Variants in FSIP1 observed in about 807,000 individuals in gnomAD.
FSIP1 encodes fibrous sheath-interacting protein 1.
Under a neutral mutation model 60.9 loss-of-function variants are expected in FSIP1, and 65 were observed. That is an observed-to-expected ratio of 1.07 (90% confidence interval 0.87 to 1.31). The LOEUF (loss-of-function observed/expected upper bound fraction) is 1.31, where lower values mean the gene tolerates loss of function less well. Among genes scored for constraint, FSIP1 ranks in the 40% most tolerant of loss-of-function variants. The pLI, the probability that FSIP1 is intolerant of heterozygous loss-of-function variation, is 0.00. For synonymous variants in FSIP1, 209 were observed against 221.2 expected, an observed-to-expected ratio of 0.94 and a Z score of 0.49; for missense variants, 675 against 665.5, an observed-to-expected ratio of 1.01 and a Z score of -0.16.
intron 11 of FSIP1, among the ~76,000 whole-genome samples, chr15:39,612,317 G>A (rs1388113751): frequency 6.6e-6 from 1 of 152,086 alleles, no homozygotes; most frequent in Non-Finnish European, 1.5e-5. Context: ...GATCACAGTG[G>A]CATGAAACTA....
At chr15:39,762,940 G>A (rs1346441413) in intron 5 of FSIP1, among the ~76,000 whole-genome samples, 6 of 152,022 alleles carry the variant, frequency 3.9e-5, no homozygotes, top group Non-Finnish European at 7.4e-5. Context: ...CAAATTAGTG[G>A]GGGAAAGGTT....
At chr15:39,659,120 G>A (rs1232659732) in intron 10 of FSIP1, among the ~76,000 whole-genome samples, 1 of 152,086 alleles carries the variant, frequency 6.6e-6, no homozygotes, top group Non-Finnish European at 1.5e-5. Context: ...ATCCATAGAG[G>A]CAGAAAAAAA....
chr15:39,600,954 AT>A, intron 11 of FSIP1, 28 bp from the exon 12 acceptor site: 1 of 1,572,550 alleles, frequency 6.4e-7, no homozygotes, highest in Non-Finnish European at 8.6e-7. Context: ...AACCACAGTT[AT>A]TAGAGATTCA....
chr15:39,698,912 G>A (rs1442200982), intron 10 of FSIP1, among the ~76,000 whole-genome samples: 2 of 152,182 alleles, frequency 1.3e-5, no homozygotes, highest in African/African-American at 4.8e-5. Context: ...AACCAAGGTT[G>A]GTTTATTTTC....
chr15:39,633,388 T>C (rs1193222245), intron 10 of FSIP1, among the ~76,000 whole-genome samples: 1 of 152,148 alleles, frequency 6.6e-6, no homozygotes, highest in Non-Finnish European at 1.5e-5. Context: ...GCACTCGGCC[T>C]GGCTATACTT....
At chr15:39,639,751 C>G (rs1892284337) in intron 10 of FSIP1, among the ~76,000 whole-genome samples, 1 of 152,156 alleles carries the variant, frequency 6.6e-6, no homozygotes, top group South Asian at 2.1e-4. Context: ...GTAGCACACT[C>G]TGGATACCCA....
chr15:39,758,721 T>C (rs919506892), intron 5 of FSIP1, among the ~76,000 whole-genome samples: 1 of 152,070 alleles, frequency 6.6e-6, no homozygotes, highest in Non-Finnish European at 1.5e-5. Flanking sequence ...AATGTAGTCA[T>C]TGCTAAACTC....
chr15:39,633,535 A>G (rs1037750911), intron 10 of FSIP1, among the ~76,000 whole-genome samples: 1 of 152,208 alleles, frequency 6.6e-6, no homozygotes, highest in African/African-American at 2.4e-5. Flanking sequence ...TTGCATTTAT[A>G]AATTACCATG....
intron 10 of FSIP1, among the ~76,000 whole-genome samples, chr15:39,668,037 A>T (rs2140463484): frequency 6.6e-6 from 1 of 152,296 alleles, no homozygotes; most frequent in East Asian, 1.9e-4. Flanking sequence ...ATAAACCTAC[A>T]GCAGACAGGA....
intron 1 of FSIP1, among the ~76,000 whole-genome samples, chr15:39,780,251 CG>C (rs1455696977): frequency 2.0e-5 from 3 of 152,182 alleles, no homozygotes; most frequent in Admixed American, 6.5e-5. Flanking sequence ...TGGCCAGGCG[CG>C]GTGGCTCACG....
intron 10 of FSIP1, among the ~76,000 whole-genome samples, chr15:39,634,893 C>A (rs1008072032): frequency 2.0e-5 from 3 of 152,158 alleles, no homozygotes; most frequent in Non-Finnish European, 4.4e-5. Context: ...ATTGGACTAA[C>A]ATGGTGCCCT....
chr15:39,715,630 C>T (rs1566898224), intron 9 of FSIP1, among the ~76,000 whole-genome samples: 1 of 152,186 alleles, frequency 6.6e-6, no homozygotes, highest in Non-Finnish European at 1.5e-5. Flanking sequence ...CTTCTGGTAG[C>T]TTTCAATCTC....
chr15:39,768,278 A>T (rs551728007), intron 3 of FSIP1, among the ~76,000 whole-genome samples: 1 of 152,338 alleles, frequency 6.6e-6, no homozygotes, highest in South Asian at 2.1e-4. Flanking sequence ...GTGAGAGTTG[A>T]TCTCATCCCA....
chr15:39,721,797 G>A (rs941792796), intron 9 of FSIP1, among the ~76,000 whole-genome samples: 3 of 152,098 alleles, frequency 2.0e-5, no homozygotes. Flanking sequence ...CAAGAAGTTA[G>A]GTCTAATGCT....
chr15:39,640,727 CAAAAAAA>C (rs111962610), intron 10 of FSIP1, among the ~76,000 whole-genome samples: 2 of 100,000 alleles, frequency 2.0e-5, no homozygotes, highest in Non-Finnish European at 4.9e-5. Context: ...GATTTACAGA[CAAAAAAA>C]AAAAAAAAAT....
At chr15:39,698,374 T>C (rs1029786383) in intron 10 of FSIP1, among the ~76,000 whole-genome samples, 1 of 152,150 alleles carries the variant, frequency 6.6e-6, no homozygotes, top group African/African-American at 2.4e-5. Flanking sequence ...TGGTCTGGAA[T>C]GCTAGTTCAT....
chr15:39,749,722 C>T lies in FSIP1; in HGVS notation c.560-7822G>A, dbSNP rs554740357. Among the ~76,000 whole-genome samples the T allele has an allele frequency of 8.6e-5, 13 of 151,948 alleles. No homozygotes were observed. In the East Asian group the frequency reaches 1.4e-3, roughly 16 times the overall value. ...TAACATCATAACCAAGGGGGAAAAACGGAAAGCTTTTCCTCTGAGATCTAG... is the reference window on the plus strand; with the variant it reads ...TAACATCATAACCAAGGGGGAAAAATGGAAAGCTTTTCCTCTGAGATCTAG... On this transcript the variant is annotated intron_variant, in intron 5 of 11. Coordinates refer to ENST00000350221, the MANE Select transcript of FSIP1 (RefSeq NM_152597.5).
intron 10 of FSIP1, among the ~76,000 whole-genome samples, chr15:39,631,551 A>C (rs1008531634): frequency 6.6e-6 from 1 of 152,200 alleles, no homozygotes; most frequent in Non-Finnish European, 1.5e-5. Context: ...GAGGCGAAGT[A>C]ACGAAGACAC....
At chr15:39,721,244 C>G (rs575456874) in intron 9 of FSIP1, among the ~76,000 whole-genome samples, 6 of 152,334 alleles carry the variant, frequency 3.9e-5, no homozygotes, top group African/African-American at 1.4e-4. Flanking sequence ...AATCTATATG[C>G]ATACCAACTT....
Sources: allele counts gnomAD v4.1 joint callset (sites outside exome capture counted in the v4.1 genomes callset), GRCh38; gene constraint gnomAD v4.1.1; transcripts MANE v1.5; gene names NCBI Gene and HGNC (gene_info 2026-07-23, HGNC 2026-07-21).